The following KCNH1 variants were observed in gnomAD, a reference collection of about 807,000 sequenced individuals.
The protein encoded by KCNH1 is voltage-gated delayed rectifier potassium channel KCNH1.
Under a neutral mutation model 69.2 loss-of-function variants are expected in KCNH1, and 27 were observed. The ratio of observed to expected loss-of-function variants is 0.39; its 90% CI spans 0.29 to 0.54. KCNH1 has a LOEUF of 0.54. KCNH1 is among the 20% of genes least tolerant of loss of function. The pLI is 0.68. For synonymous variants in KCNH1, 456 were observed against 487.7 expected (o/e 0.93, Z 0.86); for missense variants, 798 against 1,261.6 (o/e 0.63, Z 5.57).
In KCNH1 at chr1:210,870,465, C is replaced by A. The variant is rs923886950; in HGVS notation, c.1462+49175G>T. 2.0e-5 allele frequency among the ~76,000 whole-genome samples: 3 copies of A among 152,180 alleles called. No homozygotes were observed. In the South Asian group the frequency reaches 6.2e-4, roughly 32 times the overall value. ...GTACTCTCCCAGCTGAGATTCTTAG[C>A]CTCTTTTTTCCCCTACTGTGAGCAG... On this transcript the variant is annotated intron_variant, in intron 7 of 10. Coordinates refer to ENST00000271751, the MANE Select transcript of KCNH1 (RefSeq NM_172362.3).
At chr1:211,021,810 A>G (rs1225127200) in intron 5 of KCNH1, among the ~76,000 whole-genome samples, 2 of 152,180 alleles carry the variant, frequency 1.3e-5, no homozygotes. Context: ...AAAGCTATAA[A>G]ACACTGAGAT....
chr1:210,761,915 ATACTC>A (rs1294822002), intron 10 of KCNH1, among the ~76,000 whole-genome samples: 1 of 152,190 alleles, frequency 6.6e-6, no homozygotes, highest in Non-Finnish European at 1.5e-5. Context: ...CATCTACAGA[ATACTC>A]TACCCAACAA....
rs148412340 is a variant in KCNH1 at position 211,015,558 on chromosome 1, G to A, written c.1032+3225C>T. On this transcript the variant is annotated intron_variant, in intron 6 of 10. Coordinates refer to ENST00000271751, the MANE Select transcript of KCNH1 (RefSeq NM_172362.3). ...ACCCCAATTACAAGAAAGAGGTCAC[G>A]GTGCTAGGACTCTTGTTCTTACAAT... 6.0e-4 allele frequency among the ~76,000 whole-genome samples: 91 copies of A among 152,002 alleles called. No individual in the cohort carries two copies. In the East Asian group the frequency reaches 0.012, roughly 20 times the overall value.
intron 6 of KCNH1, among the ~76,000 whole-genome samples, chr1:211,004,051 G>A (rs1689235775): frequency 6.6e-6 from 1 of 152,030 alleles, no homozygotes; most frequent in Admixed American, 6.6e-5. Flanking sequence ...CCTAGATCGG[G>A]CCACTGCACT....
At chr1:211,055,993 TGTG>T (rs1222596060) in intron 5 of KCNH1, among the ~76,000 whole-genome samples, 1 of 152,144 alleles carries the variant, frequency 6.6e-6, no homozygotes, top group Non-Finnish European at 1.5e-5. Context: ...CATATCCAGC[TGTG>T]GTGGCTATGG....
At chr1:210,718,351 TATAC>T (rs1212187558) in intron 10 of KCNH1, among the ~76,000 whole-genome samples, 1 of 111,016 alleles carries the variant, frequency 9.0e-6, no homozygotes, top group Admixed American at 1.1e-4. Context: ...TATATGTATA[TATAC>T]ATATATTTAT....
At chr1:210,938,638 C>T (rs1687823475) in intron 6 of KCNH1, among the ~76,000 whole-genome samples, 2 of 152,294 alleles carry the variant, frequency 1.3e-5, no homozygotes, top group Admixed American at 6.5e-5. Context: ...TGTGGTTCCA[C>T]AATCACACTG....
chr1:211,108,344 TACAA>T (rs1210467138), intron 1 of KCNH1: 3 of 143,676 alleles, frequency 2.1e-5, no homozygotes, highest in African/African-American at 7.5e-5. Context: ...ACAGAAACAA[TACAA>T]ACAGCCTTCT....
At chr1:211,104,375 C>A (rs932172916) in intron 2 of KCNH1, among the ~76,000 whole-genome samples, 8 of 149,060 alleles carry the variant, frequency 5.4e-5, no homozygotes, top group African/African-American at 9.7e-5. Flanking sequence ...TTTTCTAGTT[C>A]TCAGCAAAAA....
chr1:210,853,946 CAAAAAA>C lies in KCNH1; in HGVS notation c.1463-49786_1463-49781del, dbSNP rs11445997. On this transcript the variant is annotated intron_variant, in intron 7 of 10. Transcript: ENST00000271751. ...TAGCAGTAAAAGCATTTATCTAAGC[CAAAAAA>C]AAAAAAAAAAAAAAAAGAAACCAAA... Among the ~76,000 whole-genome samples the C allele has an allele frequency of 2.3e-3, 139 of 61,536 alleles. No individual in the cohort carries two copies. In the East Asian group the frequency reaches 0.026, roughly 11 times the overall value. The allele number at this position is 61,536 out of a possible 152,430, so 40.4% of individuals were successfully genotyped here. A position where few individuals can be genotyped will look rare whatever the true frequency, so the allele number is the denominator to read the frequency against.
chr1:210,810,551 ATTTTTCTC>A (rs2102414641), intron 7 of KCNH1, among the ~76,000 whole-genome samples: 1 of 151,072 alleles, frequency 6.6e-6, no homozygotes, highest in Admixed American at 6.6e-5. Context: ...TCATTTTCTT[ATTTTTCTC>A]TCTTCCTATT....
intron 7 of KCNH1, among the ~76,000 whole-genome samples, chr1:210,826,451 A>G (rs370850591): frequency 6.6e-6 from 1 of 152,218 alleles, no homozygotes; most frequent in Non-Finnish European, 1.5e-5. Context: ...TGGAACCTCA[A>G]ATCAACTCAA....
At chr1:211,069,658 T>C (rs1690599213) in intron 5 of KCNH1, among the ~76,000 whole-genome samples, 1 of 151,870 alleles carries the variant, frequency 6.6e-6, no homozygotes, top group South Asian at 2.1e-4. Flanking sequence ...TGAGGACATG[T>C]CAATAGAGAC....
rs1046914412 is a variant in KCNH1, at chr1:210,682,832, G to A, written c.*449C>T. 1.2e-5 allele frequency: 2 copies of A among 165,202 alleles called. No individual in the cohort carries two copies. Among genetic ancestry groups the A allele is most frequent in the Non-Finnish European group, 2.6e-5 (2 of 75,682 alleles). The allele number at this position is 165,202 out of a possible 1,614,324, so 10.2% of individuals were successfully genotyped here. On this transcript the variant is annotated 3_prime_UTR_variant, in exon 11 of 11. Transcript: ENST00000271751. ...CGTCAGACACGGGCTGTACAAGGACGGGGATGCCGGGAAGTCCTTGGCCCA... is the reference window on the plus strand; with the variant it reads ...CGTCAGACACGGGCTGTACAAGGACAGGGATGCCGGGAAGTCCTTGGCCCA...
intron 10 of KCNH1, among the ~76,000 whole-genome samples, chr1:210,709,742 AAGAGAG>A (rs35326611): frequency 7.6e-5 from 11 of 144,944 alleles, no homozygotes; most frequent in Admixed American, 1.4e-4. Context: ...GAGAGAGAGA[AAGAGAG>A]AGAGAGAGAG....
chr1:210,802,795 A>G (rs955602961), intron 8 of KCNH1, among the ~76,000 whole-genome samples: 23 of 152,206 alleles, frequency 1.5e-4, no homozygotes, highest in African/African-American at 5.3e-4. Flanking sequence ...CAAACTCTTG[A>G]TCACTGTTTC....
chr1:211,006,936 CAT>C (rs760333061), intron 6 of KCNH1, among the ~76,000 whole-genome samples: 53 of 151,494 alleles, frequency 3.5e-4, no homozygotes, highest in African/African-American at 1.1e-3. Flanking sequence ...AATATATAAA[CAT>C]ATATATATGC....
At chr1:211,126,718 C>A (rs61428952) in intron 1 of KCNH1, among the ~76,000 whole-genome samples, 4,358 of 148,896 alleles carry the variant, frequency 0.029, 221 homozygotes, top group African/African-American at 0.1. Context: ...ACTGCACTTG[C>A]CTAGAGAACA....
intron 5 of KCNH1, among the ~76,000 whole-genome samples, chr1:211,025,001 G>A (rs1258187791): frequency 6.6e-6 from 1 of 152,102 alleles, no homozygotes; most frequent in Admixed American, 6.5e-5. Context: ...TCCACATCAC[G>A]GTTACATTTC....
Sources: allele counts gnomAD v4.1 joint callset (sites outside exome capture counted in the v4.1 genomes callset), GRCh38; gene constraint gnomAD v4.1.1; transcripts MANE v1.5; gene names NCBI Gene and HGNC (gene_info 2026-07-23, HGNC 2026-07-21).